The following DLG2 variants were observed in gnomAD, a reference collection of about 807,000 sequenced individuals.
The protein encoded by DLG2 is discs large MAGUK scaffold protein 2.
DLG2 carries 45 observed loss-of-function variants against 132.5 expected under a neutral mutation model. That is an observed-to-expected ratio of 0.34 (90% confidence interval 0.27 to 0.44). DLG2 has a LOEUF of 0.44. DLG2 is among the 20% of genes least tolerant of loss of function. DLG2 has a pLI of 1.00. For synonymous variants in DLG2, 424 were observed against 419.6 expected, an observed-to-expected ratio of 1.01 and a Z score of -0.13; for missense variants, 1,045 against 1,196.9, an observed-to-expected ratio of 0.87 and a Z score of 1.87.
chr11:85,189,674 A>G (rs1444005425), intron 4 of DLG2, among the ~76,000 whole-genome samples: 1 of 152,236 alleles, frequency 6.6e-6, no homozygotes, highest in Admixed American at 6.5e-5. Flanking sequence ...GATTACAATG[A>G]TGATTACATA....
At chr11:84,858,621 A>G (rs901726966) in intron 6 of DLG2, among the ~76,000 whole-genome samples, 2 of 152,062 alleles carry the variant, frequency 1.3e-5, no homozygotes, top group African/African-American at 4.8e-5. Context: ...ATGGCAGGAT[A>G]TTTTTGTGAA....
chr11:85,142,227 T>A (rs1287312686), intron 5 of DLG2, among the ~76,000 whole-genome samples: 1 of 151,840 alleles, frequency 6.6e-6, no homozygotes, highest in African/African-American at 2.4e-5. Context: ...CCTCTTCAAT[T>A]TCTTTTACTA....
chr11:84,450,169 T>C (rs183209725), intron 7 of DLG2, among the ~76,000 whole-genome samples: 23 of 152,000 alleles, frequency 1.5e-4, no homozygotes, highest in African/African-American at 5.5e-4. Flanking sequence ...CCTGGTTTGC[T>C]TCTCACTTGC....
intron 6 of DLG2, among the ~76,000 whole-genome samples, chr11:84,863,088 C>T (rs1157557570): frequency 6.6e-6 from 1 of 151,934 alleles, no homozygotes; most frequent in Non-Finnish European, 1.5e-5. Context: ...TTCACCTGAC[C>T]AATGAAATAG....
At chr11:84,613,665 C>T (rs2099599252) in intron 6 of DLG2, among the ~76,000 whole-genome samples, 1 of 152,096 alleles carries the variant, frequency 6.6e-6, no homozygotes, top group Non-Finnish European at 1.5e-5. Context: ...GATACAATGC[C>T]TAATTGTCAA....
At chr11:84,657,668 G>A (rs540488011) in intron 6 of DLG2, among the ~76,000 whole-genome samples, 2 of 152,194 alleles carry the variant, frequency 1.3e-5, no homozygotes, top group East Asian at 1.9e-4. Flanking sequence ...ATCTAATGCC[G>A]TTGTTAATCT....
At chr11:84,674,910 T>C (rs769836204) in intron 6 of DLG2, among the ~76,000 whole-genome samples, 7 of 152,178 alleles carry the variant, frequency 4.6e-5, no homozygotes, top group Non-Finnish European at 8.8e-5. Flanking sequence ...CATTTGTTAA[T>C]GACTTTTTCC....
At chr11:83,879,125 G>C (rs954779150) in intron 15 of DLG2, among the ~76,000 whole-genome samples, 2 of 152,118 alleles carry the variant, frequency 1.3e-5, no homozygotes, top group Non-Finnish European at 2.9e-5. Flanking sequence ...AATTGAAATT[G>C]TTCTATTACA....
chr11:83,622,916 T>C (rs1177923757), intron 19 of DLG2, among the ~76,000 whole-genome samples: 2 of 152,166 alleles, frequency 1.3e-5, no homozygotes, highest in East Asian at 1.9e-4. Flanking sequence ...AGATGTCCAA[T>C]TGGTTCAGTC....
Position 84,619,026 on chromosome 11 carries a change from CAATT to C in DLG2, c.358-84299_358-84296del, listed in dbSNP as rs551520258. ...GTATAGAAAATTTGAAAAATGTAAACAATTAATAAACTTACCTAATGAATATAAT... is the reference window on the plus strand; with the variant it reads ...GTATAGAAAATTTGAAAAATGTAAACAATAAACTTACCTAATGAATATAAT... On this transcript the variant is annotated intron_variant, in intron 6 of 27. Coordinates refer to ENST00000376104, the MANE Select transcript of DLG2 (RefSeq NM_001142699.3). Among the ~76,000 whole-genome samples, 10 of 151,904 alleles carry C rather than the reference CAATT, an allele frequency of 6.6e-5. No homozygotes were observed. In the South Asian group the frequency reaches 2.1e-3, roughly 32 times the overall value.
In DLG2 at chr11:84,043,130, T is replaced by TTTAAGCAATTTATTAATTAATTATAAA. The variant is rs1463841152; in HGVS notation, c.919+16158_919+16184dup. On this transcript the variant is annotated intron_variant, in intron 11 of 27. Coordinates refer to ENST00000376104, the MANE Select transcript of DLG2 (RefSeq NM_001142699.3). ...ATTAAAAATTTATTGCTTAAATTTA[T>TTTAAGCAATTTATTAATTAATTATAAA]TTAAGCAATTTATTAATTAATTATA... Among the ~76,000 whole-genome samples the TTTAAGCAATTTATTAATTAATTATAAA allele has an allele frequency of 8.6e-5, 13 of 151,566 alleles. No individual in the cohort carries two copies. The South Asian group carries it at 1.7e-3, about 19-fold the overall frequency.
chr11:83,842,523 CAA>C (rs771360645), intron 16 of DLG2, among the ~76,000 whole-genome samples: 33 of 70,276 alleles, frequency 4.7e-4, no homozygotes, highest in African/African-American at 1.2e-3. Flanking sequence ...GAACCTGTCT[CAA>C]AAAAAAAAAA....
chr11:85,021,626 C>A, intron 6 of DLG2: 6 of 1,300,410 alleles, frequency 4.6e-6, no homozygotes, highest in East Asian at 4.6e-5. Context: ...GAGCGAGGAT[C>A]TGTCTTGTTG....
rs2153875652 is a variant in DLG2, at chr11:84,765,387, T to G, written c.358-230656A>C. 1.3e-5 allele frequency among the ~76,000 whole-genome samples: 2 copies of G among 152,118 alleles called. 1 individual carries two copies. Among genetic ancestry groups the G allele is most frequent in the South Asian group, 4.1e-4 (2 of 4,826 alleles). ...TACATTTGTAGTAGATTAAGAAAGTTCTCCTGGATAATTAGACATCTGATA... is the reference window on the plus strand; with the variant it reads ...TACATTTGTAGTAGATTAAGAAAGTGCTCCTGGATAATTAGACATCTGATA... On this transcript the variant is annotated intron_variant, in intron 6 of 27. Transcript: ENST00000376104.
At chr11:83,824,429 T>C (rs1487354078) in intron 17 of DLG2, among the ~76,000 whole-genome samples, 1 of 152,178 alleles carries the variant, frequency 6.6e-6, no homozygotes, top group African/African-American at 2.4e-5. Context: ...CCTTAGTGTC[T>C]AGTAGCTTTT....
At chr11:85,234,986 C>T (rs2075505898) in intron 4 of DLG2, among the ~76,000 whole-genome samples, 1 of 151,886 alleles carries the variant, frequency 6.6e-6, no homozygotes, top group Admixed American at 6.6e-5. Context: ...TCTATATAAT[C>T]ATTCAGTTTC....
intron 4 of DLG2, among the ~76,000 whole-genome samples, chr11:85,231,090 G>A (rs77221192): frequency 0.024 from 3,597 of 151,956 alleles, 69 homozygotes; most frequent in Admixed American, 0.039. Context: ...CATGTAGGTT[G>A]ATATTTTTAA....
chr11:84,857,366 C>T (rs923986993), intron 6 of DLG2, among the ~76,000 whole-genome samples: 5 of 149,802 alleles, frequency 3.3e-5, no homozygotes, highest in Non-Finnish European at 5.9e-5. Flanking sequence ...CATGATTATG[C>T]AAAATAGCTA....
At chr11:84,609,934 G>A (rs1336091988) in intron 6 of DLG2, among the ~76,000 whole-genome samples, 2 of 152,034 alleles carry the variant, frequency 1.3e-5, no homozygotes, top group Non-Finnish European at 2.9e-5. Context: ...AATATATGTT[G>A]GGGAATAGGT....
Sources: allele counts gnomAD v4.1 joint callset (sites outside exome capture counted in the v4.1 genomes callset), GRCh38; gene constraint gnomAD v4.1.1; transcripts MANE v1.5; gene names NCBI Gene and HGNC (gene_info 2026-07-23, HGNC 2026-07-21).